ATRNL1: variants seen among roughly 807,000 people sequenced by gnomAD.
ATRNL1 encodes the protein attractin-like protein 1.
In ATRNL1, 95 loss-of-function variants were observed where a neutral mutation model predicts 182.7. The ratio of observed to expected loss-of-function variants is 0.52; its 90% CI spans 0.44 to 0.62. The LOEUF is 0.62. Among genes scored for constraint, ATRNL1 ranks in the 20% least tolerant of loss-of-function variants. The pLI is 0.00. For synonymous variants in ATRNL1, 576 were observed against 568.3 expected, an observed-to-expected ratio of 1.01 and a Z score of -0.19; for missense variants, 1,471 against 1,679.5, an observed-to-expected ratio of 0.88 and a Z score of 2.17.
intron 26 of ATRNL1, among the ~76,000 whole-genome samples, chr10:115,627,082 C>G (rs1555024875): frequency 6.6e-6 from 1 of 152,004 alleles, no homozygotes; most frequent in African/African-American, 2.4e-5. Context: ...TTTAAACAGC[C>G]CGGTGTCACT....
At chr10:115,749,008 T>C (rs1565344819) in intron 27 of ATRNL1, among the ~76,000 whole-genome samples, 1 of 151,886 alleles carries the variant, frequency 6.6e-6, no homozygotes, top group Non-Finnish European at 1.5e-5. Flanking sequence ...TTCAATATAA[T>C]CACAATGAAA....
intron 28 of ATRNL1, among the ~76,000 whole-genome samples, chr10:115,907,458 C>T (rs1555114821): frequency 6.6e-6 from 1 of 152,114 alleles, no homozygotes; most frequent in Non-Finnish European, 1.5e-5. Flanking sequence ...GCCTTATGAA[C>T]ATGTTTGAGA....
At chr10:115,844,282 C>T (rs1317971486) in intron 27 of ATRNL1, among the ~76,000 whole-genome samples, 1 of 152,044 alleles carries the variant, frequency 6.6e-6, no homozygotes, top group Non-Finnish European at 1.5e-5. Context: ...TGATGGGTCT[C>T]AGTGTGATTT....
intron 5 of ATRNL1, among the ~76,000 whole-genome samples, chr10:115,149,105 AC>A (rs1361229720): frequency 6.6e-6 from 1 of 151,974 alleles, no homozygotes; most frequent in East Asian, 1.9e-4. Context: ...GATTTGTTGG[AC>A]CAGGTGTACC....
At chr10:115,550,250 T>C (rs1852889716) in intron 26 of ATRNL1, among the ~76,000 whole-genome samples, 1 of 151,848 alleles carries the variant, frequency 6.6e-6, no homozygotes, top group African/African-American at 2.4e-5. Context: ...TTTATCAGTA[T>C]TCTTTTATTA....
intron 28 of ATRNL1, among the ~76,000 whole-genome samples, chr10:115,907,565 C>T (rs977033903): frequency 1.3e-5 from 2 of 152,134 alleles, no homozygotes; most frequent in Admixed American, 1.3e-4. Flanking sequence ...ATAATGCCCA[C>T]ATTATTGTTA....
chr10:115,262,721 G>A (rs1851442696), intron 10 of ATRNL1, among the ~76,000 whole-genome samples: 1 of 151,958 alleles, frequency 6.6e-6, no homozygotes, highest in East Asian at 1.9e-4. Flanking sequence ...ATAGAAAAAT[G>A]TGCAAGTCTT....
chr10:115,225,505 A>G (rs914955155), intron 9 of ATRNL1, among the ~76,000 whole-genome samples: 1 of 148,642 alleles, frequency 6.7e-6, no homozygotes, highest in African/African-American at 2.4e-5. Context: ...ATAATATAAT[A>G]TGTATATGGG....
chr10:115,155,278 A>C (rs1381330616), intron 5 of ATRNL1, among the ~76,000 whole-genome samples: 1 of 151,294 alleles, frequency 6.6e-6, no homozygotes, highest in Admixed American at 6.6e-5. Flanking sequence ...GTGTTTTTTA[A>C]GTGGAAGGTT....
At chr10:115,373,527 T>G (rs1857503729) in intron 19 of ATRNL1, among the ~76,000 whole-genome samples, 1 of 152,032 alleles carries the variant, frequency 6.6e-6, no homozygotes, top group Non-Finnish European at 1.5e-5. Context: ...TATGTTGAAG[T>G]ACATTCAATA....
rs568004626 is a variant in ATRNL1, at chr10:115,655,546, T to C, written c.3796-71702T>C. Among the ~76,000 whole-genome samples, 4 of 152,324 alleles carry C rather than the reference T, an allele frequency of 2.6e-5. No homozygotes were observed. In the South Asian group the frequency reaches 8.3e-4, roughly 32 times the overall value. On this transcript the variant is annotated intron_variant, in intron 26 of 28. Coordinates refer to ENST00000355044, the MANE Select transcript of ATRNL1 (RefSeq NM_207303.4). ...TGTGATAACTACTTCTTTTGAATTT[T>C]GTAACAGTTTCTGTGATATGCATGT...
intron 21 of ATRNL1, among the ~76,000 whole-genome samples, chr10:115,456,300 A>G (rs1426763836): frequency 1.3e-5 from 2 of 152,230 alleles, no homozygotes; most frequent in African/African-American, 4.8e-5. Flanking sequence ...AATATTATGC[A>G]GCCATAATAA....
chr10:115,818,737 C>T (rs1227888414), intron 27 of ATRNL1, among the ~76,000 whole-genome samples: 1 of 152,146 alleles, frequency 6.6e-6, no homozygotes, highest in Non-Finnish European at 1.5e-5. Context: ...CCAGAAGAGG[C>T]TCTCCAGTCC....
intron 26 of ATRNL1, among the ~76,000 whole-genome samples, chr10:115,680,582 C>T (rs560970657): frequency 3.7e-4 from 57 of 152,208 alleles, no homozygotes; most frequent in South Asian, 2.1e-3. Context: ...TGTAAATTAA[C>T]GGCTGTATGT....
intron 22 of ATRNL1, among the ~76,000 whole-genome samples, chr10:115,464,268 C>T (rs1847948401): frequency 1.3e-5 from 2 of 151,642 alleles, no homozygotes; most frequent in African/African-American, 4.8e-5. Context: ...TATTATTGGC[C>T]AAGGCTTCTT....
chr10:115,280,839 C>T lies in ATRNL1; in HGVS notation c.2101-516C>T, dbSNP rs76782931. Among the ~76,000 whole-genome samples, 1,416 of 152,274 alleles carry T rather than the reference C, an allele frequency of 9.3e-3. 10 individuals are homozygous for T. Among genetic ancestry groups the T allele is most frequent in the Admixed American group, 0.015 (228 of 15,292 alleles). On this transcript the variant is annotated intron_variant, in intron 13 of 28. Coordinates refer to ENST00000355044, the MANE Select transcript of ATRNL1 (RefSeq NM_207303.4). ...CAAGTCATGTCAGAGTTTATAAAAG[C>T]AGTAAATACATGAGGTTCTATTATT...
At chr10:115,477,062 T>C (rs1463558680) in intron 24 of ATRNL1, among the ~76,000 whole-genome samples, 1 of 151,538 alleles carries the variant, frequency 6.6e-6, no homozygotes, top group East Asian at 1.9e-4. Flanking sequence ...AAATATGCTT[T>C]CTTATACTCT....
At chr10:115,224,779 C>T (rs1292018162) in intron 9 of ATRNL1, among the ~76,000 whole-genome samples, 2 of 152,104 alleles carry the variant, frequency 1.3e-5, no homozygotes, top group African/African-American at 4.8e-5. Context: ...AGAATTGACA[C>T]ATACATGAAC....
chr10:115,232,488 A>C (rs748241474), intron 9 of ATRNL1, among the ~76,000 whole-genome samples: 15 of 152,050 alleles, frequency 9.9e-5, no homozygotes. Flanking sequence ...CCAACATTTT[A>C]TCTCTCAGAT....
Sources: gnomAD v4.1 joint callset for allele counts (sites outside exome capture counted in the v4.1 genomes callset) on GRCh38, gnomAD v4.1.1 for gene constraint, MANE v1.5 for transcripts, NCBI Gene and HGNC (gene_info 2026-07-23, HGNC 2026-07-21) for gene names.